The following CDH12 variants were observed in gnomAD, a reference collection of about 807,000 sequenced individuals.
CDH12 encodes cadherin-12.
A neutral mutation model predicts 74.1 loss-of-function variants in CDH12; 41 were observed. The observed-to-expected ratio is 0.55, with a 90% CI of 0.43 to 0.72. The LOEUF (loss-of-function observed/expected upper bound fraction) is 0.72, where lower values mean the gene tolerates loss of function less well. Ranked by LOEUF, CDH12 falls within the 30% of genes least tolerant of loss-of-function variation. The pLI is 0.00. For synonymous variants in CDH12, 399 were observed against 355.0 expected (o/e 1.12, Z -1.39); for missense variants, 945 against 977.2 (o/e 0.97, Z 0.44).
intron 1 of CDH12, among the ~76,000 whole-genome samples, chr5:22,601,278 G>T (rs887167944): frequency 6.6e-6 from 1 of 151,752 alleles, no homozygotes; most frequent in African/African-American, 2.4e-5. Flanking sequence ...TTTGTCACCG[G>T]GTATTAAGCC....
At chr5:21,876,626 C>T (rs1444928165) in intron 6 of CDH12, among the ~76,000 whole-genome samples, 1 of 152,158 alleles carries the variant, frequency 6.6e-6, no homozygotes, top group African/African-American at 2.4e-5. Context: ...TATTTCTCAC[C>T]TAGGTTATAG....
At chr5:22,281,469 G>T (rs1049140687) in intron 3 of CDH12, among the ~76,000 whole-genome samples, 3 of 152,144 alleles carry the variant, frequency 2.0e-5, no homozygotes, top group Admixed American at 2.0e-4. Context: ...TTTATGCTTA[G>T]AAAACCCCAT....
chr5:21,983,017 C>A (rs1757376828), intron 5 of CDH12, among the ~76,000 whole-genome samples: 1 of 152,190 alleles, frequency 6.6e-6, no homozygotes, highest in South Asian at 2.1e-4. Context: ...CTAATCCAAA[C>A]AAGAACATCT....
intron 4 of CDH12, among the ~76,000 whole-genome samples, chr5:22,109,551 C>A (rs1281520230): frequency 6.6e-6 from 1 of 152,146 alleles, no homozygotes. Flanking sequence ...TGCCTTCTAC[C>A]AGCATCCATG....
chr5:21,897,415 T>C (rs1195583358), intron 6 of CDH12, among the ~76,000 whole-genome samples: 1 of 152,190 alleles, frequency 6.6e-6, no homozygotes. Flanking sequence ...AAGATGTTAC[T>C]GAAGAGAAAT....
At chr5:22,379,084 G>A (rs1242112832) in intron 3 of CDH12, among the ~76,000 whole-genome samples, 1 of 151,992 alleles carries the variant, frequency 6.6e-6, no homozygotes, top group African/African-American at 2.4e-5. Context: ...TAGTTGTCCC[G>A]ATACTAGCAA....
At chr5:22,558,154 CAA>C (rs1738883099) in intron 1 of CDH12, among the ~76,000 whole-genome samples, 1 of 151,882 alleles carries the variant, frequency 6.6e-6, no homozygotes. Context: ...AGTGCATATG[CAA>C]AGAGATAAAC....
At chr5:22,699,647 A>C (rs1438075508) in intron 1 of CDH12, among the ~76,000 whole-genome samples, 1 of 152,220 alleles carries the variant, frequency 6.6e-6, no homozygotes, top group Non-Finnish European at 1.5e-5. Flanking sequence ...TCAATAAAAC[A>C]AGAATTAATA....
At chr5:22,465,816 T>A (rs542314092) in intron 2 of CDH12, among the ~76,000 whole-genome samples, 1 of 152,178 alleles carries the variant, frequency 6.6e-6, no homozygotes, top group African/African-American at 2.4e-5. Flanking sequence ...TTGCTCACCA[T>A]GTCCATCACT....
intron 1 of CDH12, among the ~76,000 whole-genome samples, chr5:22,772,584 CT>C (rs1446844614): frequency 6.6e-6 from 1 of 152,082 alleles, no homozygotes; most frequent in African/African-American, 2.4e-5. Flanking sequence ...TTAATTCCTG[CT>C]TGTATCTCAC....
At chr5:22,126,270 T>C (rs1745862956) in intron 4 of CDH12, among the ~76,000 whole-genome samples, 1 of 152,168 alleles carries the variant, frequency 6.6e-6, no homozygotes, top group Non-Finnish European at 1.5e-5. Context: ...CATTAGATTA[T>C]ATCAAAGGAA....
Position 22,737,630 on chromosome 5 carries a change from C to T in CDH12, c.-523+115428G>A, listed in dbSNP as rs192548758. Among the ~76,000 whole-genome samples the T allele has an allele frequency of 2.6e-5, 4 of 152,046 alleles. No individual in the cohort carries two copies. The East Asian group carries it at 7.7e-4, about 29-fold the overall frequency. ...CAGTGACTTAAAAGGAGCTGCATCT[C>T]TACCTTAAAAAACATCTAAGACAGA... On this transcript the variant is annotated intron_variant, in intron 1 of 14. Coordinates refer to ENST00000382254, the MANE Select transcript of CDH12 (RefSeq NM_004061.5).
At chr5:22,813,844 C>T (rs907792103) in intron 1 of CDH12, among the ~76,000 whole-genome samples, 3 of 152,130 alleles carry the variant, frequency 2.0e-5, no homozygotes, top group East Asian at 1.9e-4. Context: ...GAAAATGAAG[C>T]TCTCACCAAT....
chr5:22,786,169 A>G (rs748156920), intron 1 of CDH12, among the ~76,000 whole-genome samples: 3 of 152,202 alleles, frequency 2.0e-5, no homozygotes, highest in Non-Finnish European at 4.4e-5. Context: ...TTGCAAGAAC[A>G]TGGATGGAGC....
chr5:21,770,810 CA>C (rs1425846538), intron 11 of CDH12, among the ~76,000 whole-genome samples: 1 of 151,978 alleles, frequency 6.6e-6, no homozygotes, highest in Admixed American at 6.6e-5. Flanking sequence ...AGAATAAACC[CA>C]AATGTCCATC....
At chr5:22,337,366 G>A (rs1739639457) in intron 3 of CDH12, among the ~76,000 whole-genome samples, 1 of 152,270 alleles carries the variant, frequency 6.6e-6, no homozygotes, top group African/African-American at 2.4e-5. Context: ...GAGGACATTT[G>A]GGAGGTGCTG....
At chr5:22,712,566 T>C (rs269036) in intron 1 of CDH12, among the ~76,000 whole-genome samples, 45,169 of 151,940 alleles carry the variant, frequency 0.3, 6,906 homozygotes, top group South Asian at 0.34. Flanking sequence ...ACTCCTACTT[T>C]ATAATCATAA....
At chr5:22,532,764 A>T (rs1220257969) in intron 1 of CDH12, among the ~76,000 whole-genome samples, 1 of 152,002 alleles carries the variant, frequency 6.6e-6, no homozygotes, top group East Asian at 1.9e-4. Context: ...AATTAGTGAA[A>T]TTTGTAATTA....
At chr5:22,536,254 CTA>C (rs751033162) in intron 1 of CDH12, among the ~76,000 whole-genome samples, 10 of 152,196 alleles carry the variant, frequency 6.6e-5, no homozygotes, top group Non-Finnish European at 1.2e-4. Context: ...TCTCATCATT[CTA>C]TGTCTTAGTT....
Sources: allele counts gnomAD v4.1 joint callset (sites outside exome capture counted in the v4.1 genomes callset), GRCh38; gene constraint gnomAD v4.1.1; transcripts MANE v1.5; gene names NCBI Gene and HGNC (gene_info 2026-07-23, HGNC 2026-07-21).